Variants in GPHN observed in about 807,000 individuals in gnomAD.
GPHN encodes gephyrin.
A neutral mutation model predicts 95.5 loss-of-function variants in GPHN; 17 were observed. That is an observed-to-expected ratio of 0.18 (90% confidence interval 0.12 to 0.27). The LOEUF is 0.27. GPHN is among the 10% of genes least tolerant of loss of function. The probability of loss-of-function intolerance (pLI) is 1.00; values close to 1 mark genes in which losing one functional copy is unlikely to be tolerated. For synonymous variants in GPHN, 320 were observed against 322.5 expected (o/e 0.99, Z 0.08); for missense variants, 660 against 978.1 (o/e 0.67, Z 4.34).
At chr14:67,158,230 C>T (rs1007797980) in intron 18 of GPHN, among the ~76,000 whole-genome samples, 1 of 150,920 alleles carries the variant, frequency 6.6e-6, no homozygotes, top group Non-Finnish European at 1.5e-5. Context: ...TTGCTTGAAC[C>T]CAGGAGGAGG....
In GPHN at chr14:66,508,207, A is replaced by C; in HGVS notation, c.-321A>C. On this transcript the variant is annotated 5_prime_UTR_variant, in exon 1 of 23. Coordinates refer to ENST00000478722, the MANE Select transcript of GPHN (RefSeq NM_020806.5). The stretch of plus-strand genomic sequence containing the variant: ...GTCTCGCGCTCCGCAGAGCGTTCCG[A>C]CACTCTCCGGCCTCGTTCTGCCGCC... 1.9e-6 allele frequency: 1 copy of C among 515,538 alleles called. No homozygotes were observed. The highest frequency in any genetic ancestry group is 3.5e-6 in the Non-Finnish European group (1 of 283,492). 31.9% of individuals were successfully genotyped at this position (515,538 alleles called of 1,614,324 possible).
At chr14:67,421,857 T>C in the GPHN span, among the ~76,000 whole-genome samples, 1 of 152,226 alleles carries the variant, frequency 6.6e-6, no homozygotes, top group South Asian at 2.1e-4. Context: ...TTCTCATTGC[T>C]GTTAGGCTGT....
At chr14:67,662,537 T>C in the GPHN span, 1 of 1,605,664 alleles carries the variant, frequency 6.2e-7, no homozygotes, top group Non-Finnish European at 8.5e-7. Flanking sequence ...TCTTTTCTTC[T>C]AGAAAAGATA....
At chr14:67,153,960 T>A (rs1477892796) in intron 18 of GPHN, among the ~76,000 whole-genome samples, 2 of 152,238 alleles carry the variant, frequency 1.3e-5, no homozygotes, top group African/African-American at 4.8e-5. Flanking sequence ...CACTTCTTCA[T>A]GTTCAAAAAG....
Position 66,556,897 on chromosome 14 carries a change from A to G in GPHN, c.64+48306A>G, listed in dbSNP as rs537234227. On this transcript the variant is annotated intron_variant, in intron 1 of 22. Coordinates refer to ENST00000478722, the MANE Select transcript of GPHN (RefSeq NM_020806.5). ...TTGCTACACATACTAATTAAAAAACAAAAACAAAAACAACCTGATAGGCTG... is the reference window on the plus strand; with the variant it reads ...TTGCTACACATACTAATTAAAAAACGAAAACAAAAACAACCTGATAGGCTG... Among the ~76,000 whole-genome samples, 5 of 152,244 alleles carry G rather than the reference A, an allele frequency of 3.3e-5. No individual in the cohort carries two copies. In the South Asian group the frequency reaches 1.0e-3, roughly 32 times the overall value.
the GPHN span, among the ~76,000 whole-genome samples, chr14:67,289,707 C>T: frequency 1.3e-5 from 2 of 150,520 alleles, no homozygotes; most frequent in African/African-American, 4.9e-5. Flanking sequence ...AGTGGTGTTT[C>T]TGCAGACCTT....
the GPHN span, chr14:67,615,046 AC>A: frequency 1.3e-5 from 2 of 152,082 alleles, no homozygotes; most frequent in African/African-American, 4.8e-5. Context: ...ACTCCCAGCA[AC>A]CTATTAAGGG....
At chr14:66,614,807 A>G (rs1347379847) in intron 1 of GPHN, among the ~76,000 whole-genome samples, 4 of 152,134 alleles carry the variant, frequency 2.6e-5, no homozygotes, top group Non-Finnish European at 5.9e-5. Flanking sequence ...TTACATAGGT[A>G]TACATGTGCC....
chr14:67,538,225 G>C, the GPHN span, among the ~76,000 whole-genome samples: 1 of 152,114 alleles, frequency 6.6e-6, no homozygotes, highest in Non-Finnish European at 1.5e-5. Flanking sequence ...GTTAGTATGA[G>C]ATATCTGCTA....
intron 9 of GPHN, among the ~76,000 whole-genome samples, chr14:66,975,634 C>T (rs2070158507): frequency 6.6e-6 from 1 of 151,886 alleles, no homozygotes; most frequent in Non-Finnish European, 1.5e-5. Flanking sequence ...AATCCCAGCA[C>T]TTTGGGAGGC....
chr14:67,498,551 A>G, the GPHN span, among the ~76,000 whole-genome samples: 1 of 152,244 alleles, frequency 6.6e-6, no homozygotes, highest in Non-Finnish European at 1.5e-5. Flanking sequence ...ACCATTTCAG[A>G]TAATGTGCCC....
chr14:67,325,708 A>C, the GPHN span, among the ~76,000 whole-genome samples: 1 of 152,126 alleles, frequency 6.6e-6, no homozygotes, highest in South Asian at 2.1e-4. Flanking sequence ...CCACTTCCTA[A>C]CATGCACACT....
intron 1 of GPHN, among the ~76,000 whole-genome samples, chr14:66,562,492 A>T (rs1436089540): frequency 1.3e-5 from 2 of 152,158 alleles, no homozygotes; most frequent in Non-Finnish European, 2.9e-5. Context: ...GGGGAAACAG[A>T]TAAGAGAAAA....
chr14:67,194,791 G>A, the GPHN span, among the ~76,000 whole-genome samples: 1 of 152,168 alleles, frequency 6.6e-6, no homozygotes, highest in Non-Finnish European at 1.5e-5. Flanking sequence ...TCGAGTAGCT[G>A]GGATTACAGG....
intron 1 of GPHN, among the ~76,000 whole-genome samples, chr14:66,576,632 C>A (rs1308775515): frequency 6.6e-6 from 1 of 152,040 alleles, no homozygotes; most frequent in Non-Finnish European, 1.5e-5. Context: ...TATGCACAAT[C>A]TAAGTTTATT....
chr14:67,651,267 T>C, the GPHN span: 9 of 1,577,670 alleles, frequency 5.7e-6, no homozygotes, highest in Non-Finnish European at 7.7e-6. Flanking sequence ...AGCCTGGCTA[T>C]ACAGTGCATC....
At chr14:66,614,835 A>T (rs2062935154) in intron 1 of GPHN, among the ~76,000 whole-genome samples, 1 of 152,008 alleles carries the variant, frequency 6.6e-6, no homozygotes, top group African/African-American at 2.4e-5. Flanking sequence ...TTTGCTGCAC[A>T]TATTGACCCA....
At chr14:67,037,013 A>T (rs150190536) in intron 10 of GPHN, among the ~76,000 whole-genome samples, 392 of 152,160 alleles carry the variant, frequency 2.6e-3, no homozygotes, top group Middle Eastern at 0.017. Context: ...TGGAAGTCTT[A>T]CATCTCTTGA....
intron 10 of GPHN, among the ~76,000 whole-genome samples, chr14:67,042,928 C>A (rs999309053): frequency 6.6e-6 from 1 of 152,096 alleles, no homozygotes; most frequent in Non-Finnish European, 1.5e-5. Flanking sequence ...TTGTAGTTCT[C>A]CTTGAAGAGG....
Sources: allele counts gnomAD v4.1 joint callset (sites outside exome capture counted in the v4.1 genomes callset), GRCh38; gene constraint gnomAD v4.1.1; transcripts MANE v1.5; gene names NCBI Gene and HGNC (gene_info 2026-07-23, HGNC 2026-07-21).